Variants in DEFB112 observed in about 807,000 individuals in gnomAD.
DEFB112 encodes the protein beta-defensin 112.
A neutral mutation model predicts 1.1 loss-of-function variants in DEFB112; 2 were observed. That is an observed-to-expected ratio of 1.85 (90% confidence interval 0.76 to 5.83). DEFB112 has a LOEUF of 5.83. DEFB112 is among the 30% of genes most tolerant of loss of function. DEFB112 has a pLI of 0.05. For synonymous variants in DEFB112, 40 were observed against 31.2 expected, an observed-to-expected ratio of 1.28 and a Z score of -0.93; for missense variants, 120 against 94.4, an observed-to-expected ratio of 1.27 and a Z score of -1.12.
chr6:50,047,452 G>A (rs1457992220), intron 1 of DEFB112, among the ~76,000 whole-genome samples: 1 of 152,170 alleles, frequency 6.6e-6, no homozygotes, highest in Non-Finnish European at 1.5e-5. Flanking sequence ...AGGTCCATGA[G>A]CAATGTGACA....
At chr6:50,047,337 G>T (rs916926926) in intron 1 of DEFB112, among the ~76,000 whole-genome samples, 1 of 152,170 alleles carries the variant, frequency 6.6e-6, no homozygotes, top group Non-Finnish European at 1.5e-5. Flanking sequence ...ACTTAGAAAG[G>T]GCATCCAGTG....
intron 1 of DEFB112, among the ~76,000 whole-genome samples, chr6:50,044,920 T>C (rs1774808122): frequency 6.6e-6 from 1 of 151,936 alleles, no homozygotes; most frequent in African/African-American, 2.4e-5. Context: ...ATATATATCA[T>C]TTTATATAAA....
chr6:50,044,399 C>A (rs1225497190), intron 1 of DEFB112, among the ~76,000 whole-genome samples: 1 of 152,050 alleles, frequency 6.6e-6, no homozygotes, highest in African/African-American at 2.4e-5. Context: ...TTCAGCAAGG[C>A]TCATAATTTT....
In DEFB112 at chr6:50,043,431, T is replaced by TA. The variant is rs1453835586; in HGVS notation, c.*143dup. ...TTCTTCTAAGCAAGCACAATGTTTA[T>TA]AAAAATGTCCAGCTGAAATATATTT... is the stretch of plus-strand genomic sequence containing the variant. On this transcript the variant is annotated 3_prime_UTR_variant, in exon 2 of 2. Coordinates refer to ENST00000651554, the MANE Select transcript of DEFB112 (RefSeq NM_001369057.2). The TA allele has an allele frequency of 6.0e-5, 36 of 600,238 alleles. No individual in the cohort carries two copies. In the East Asian group the frequency reaches 9.9e-4, roughly 17 times the overall value. The allele number at this position is 600,238 out of a possible 1,614,324, so 37.2% of individuals were successfully genotyped here.
intron 1 of DEFB112, among the ~76,000 whole-genome samples, chr6:50,044,069 C>T (rs1004076687): frequency 1.3e-5 from 2 of 152,082 alleles, no homozygotes; most frequent in African/African-American, 4.8e-5. Flanking sequence ...ATTAATCTTC[C>T]TCTGTCTGTC....
chr6:50,043,728 A>G lies in DEFB112; in HGVS notation c.132T>C (p.Asn44=). The stretch of plus-strand genomic sequence containing the variant: ...TCCTAAATTCACTATCATCACATTG[A>G]TTTTTACATCGACCTCCAATCGCTG... ...SCTAIGGRCK[N]QCDDSEFRIS... is the part of the protein sequence containing the mutation. Residue 44 remains asparagine (N), a synonymous_variant, in exon 2 of 2, where the codon AAT becomes AAC. Transcript: ENST00000651554. 4 of 1,613,484 alleles carry G rather than the reference A, an allele frequency of 2.5e-6. No individual in the cohort carries two copies. Among genetic ancestry groups the G allele is most frequent in the Non-Finnish European group, 3.4e-6 (4 of 1,179,568 alleles).
intron 1 of DEFB112, chr6:50,048,600 T>C (rs373797808): frequency 6.2e-7 from 1 of 1,613,722 alleles, no homozygotes; most frequent in Non-Finnish European, 8.5e-7. Context: ...GTATTTGTCT[T>C]TGAGTACATT....
intron 1 of DEFB112, among the ~76,000 whole-genome samples, chr6:50,044,072 T>G (rs1367438972): frequency 6.6e-6 from 1 of 152,108 alleles, no homozygotes; most frequent in Non-Finnish European, 1.5e-5. Context: ...AATCTTCCTC[T>G]GTCTGTCTTG....
intron 1 of DEFB112, among the ~76,000 whole-genome samples, chr6:50,047,672 C>A (rs1774856569): frequency 6.6e-6 from 1 of 152,138 alleles, no homozygotes; most frequent in Admixed American, 6.5e-5. Context: ...AAAAAGAATT[C>A]TTTTAAAACT....
At chr6:50,047,196 G>T (rs1774849334) in intron 1 of DEFB112, among the ~76,000 whole-genome samples, 1 of 152,220 alleles carries the variant, frequency 6.6e-6, no homozygotes, top group African/African-American at 2.4e-5. Flanking sequence ...GCAGTGAGCT[G>T]AGACTTGATG....
chr6:50,045,018 C>T (rs960516500), intron 1 of DEFB112, among the ~76,000 whole-genome samples: 6 of 151,954 alleles, frequency 3.9e-5, no homozygotes, highest in African/African-American at 1.4e-4. Flanking sequence ...TTCCTTTTAA[C>T]ATACTCTGGA....
rs977638474 is a variant in DEFB112 at position 50,042,649 on chromosome 6, A to G, written c.*926T>C. Reference sequence around the variant, plus strand: ...AGAGTTGATATTTCAAAATGTTTGAATAAGGGGAAAATCTTTAATCTAGGT... The same window carrying G: ...AGAGTTGATATTTCAAAATGTTTGAGTAAGGGGAAAATCTTTAATCTAGGT... On this transcript the variant is annotated 3_prime_UTR_variant, in exon 2 of 2. Coordinates refer to ENST00000651554, the MANE Select transcript of DEFB112 (RefSeq NM_001369057.2). Among the ~76,000 whole-genome samples the G allele has an allele frequency of 6.6e-6, 1 of 151,892 alleles. No homozygotes were observed. The highest frequency in any genetic ancestry group is 1.5e-5 in the Non-Finnish European group (1 of 67,936).
rs1217375784 is a variant in DEFB112, at chr6:50,042,840, A to G, written c.*735T>C. Among the ~76,000 whole-genome samples the G allele has an allele frequency of 6.6e-6, 1 of 152,026 alleles. No individual in the cohort carries two copies. The highest frequency in any genetic ancestry group is 1.5e-5 in the Non-Finnish European group (1 of 67,940). ...TATAATTCTGTTACATTATTTTTTA[A>G]AAACTTAAAATTTACTAAGACACCA... On this transcript the variant is annotated 3_prime_UTR_variant, in exon 2 of 2. Coordinates refer to ENST00000651554, the MANE Select transcript of DEFB112 (RefSeq NM_001369057.2).
intron 1 of DEFB112, among the ~76,000 whole-genome samples, chr6:50,045,430 A>T (rs1386574789): frequency 6.6e-6 from 1 of 151,864 alleles, no homozygotes; most frequent in Non-Finnish European, 1.5e-5. Context: ...TTAAACACTA[A>T]CTTTCTTACT....
chr6:50,043,652 G>C lies in DEFB112; in HGVS notation c.208C>G (p.Pro70Ala), dbSNP rs554377803. The C allele has an allele frequency of 2.0e-5, 32 of 1,613,412 alleles. No individual in the cohort carries two copies. The East Asian group carries it at 6.7e-4, about 34-fold the overall frequency. ...GGGATCCAATTATTTGGGTCCGTAG[G>C]GTCACATTCTGTCACGCAGCAATGA... is the stretch of plus-strand genomic sequence containing the variant. ...TTHCCVTECD[P>A]TDPNNWIPKD... is the part of the protein sequence containing the mutation. Residue 70 changes from proline to alanine, a missense_variant, in exon 2 of 2, where the codon CCT (proline) becomes GCT (alanine). Pro to Ala is a conservative substitution (Grantham distance 27). Transcript: ENST00000651554.
rs568970576 is a variant in DEFB112, at chr6:50,043,194, C to T, written c.*381G>A. 3.3e-5 allele frequency among the ~76,000 whole-genome samples: 5 copies of T among 152,058 alleles called. No homozygotes were observed. The highest frequency in any genetic ancestry group is 1.2e-4 in the African/African-American group (5 of 41,542). On this transcript the variant is annotated 3_prime_UTR_variant, in exon 2 of 2. Transcript: ENST00000651554. ...TTTCTTGCAACGATTTTTACTAGTT[C>T]AGGGGTCACATCTCTTATCAACTCT...
At position 50,046,935 on chromosome 6, in the gene DEFB112, G is replaced by A. The variant is rs142757403; in HGVS notation, c.58+2877C>T. ...CAGGTACTGAGTGAACCTGGAGCCT[G>A]TATCCACCGAGGCTGGCCTCGGGGC... On this transcript the variant is annotated intron_variant, in intron 1 of 1. Coordinates refer to ENST00000651554, the MANE Select transcript of DEFB112 (RefSeq NM_001369057.2). Among the ~76,000 whole-genome samples the A allele has an allele frequency of 6.9e-3, 1,056 of 152,262 alleles. 20 individuals are homozygous for A. Among genetic ancestry groups the A allele is most frequent in the African/African-American group, 0.023 (974 of 41,554 alleles).
chr6:50,048,078 C>T (rs753094059), intron 1 of DEFB112, among the ~76,000 whole-genome samples: 3 of 150,878 alleles, frequency 2.0e-5, no homozygotes, highest in Non-Finnish European at 2.9e-5. Context: ...ACCCGGGAGA[C>T]GGTGGTTGCA....
chr6:50,048,688 G>T, intron 1 of DEFB112: 1 of 1,467,168 alleles, frequency 6.8e-7, no homozygotes, highest in Non-Finnish European at 9.4e-7. Context: ...TCACTGTAAA[G>T]TGAAAAAATT....
Sources: gnomAD v4.1 joint callset for allele counts (sites outside exome capture counted in the v4.1 genomes callset) on GRCh38, gnomAD v4.1.1 for gene constraint, MANE v1.5 for transcripts, NCBI Gene and HGNC (gene_info 2026-07-23, HGNC 2026-07-21) for gene names.